The following TMEM267 variants were observed in gnomAD, a reference collection of about 807,000 sequenced individuals.
TMEM267 encodes the protein transmembrane protein 267.
TMEM267 carries 20 observed loss-of-function variants against 19.3 expected under a neutral mutation model. The ratio of observed to expected loss-of-function variants is 1.04; its 90% CI spans 0.73 to 1.51. TMEM267 has a LOEUF of 1.51. Among genes scored for constraint, TMEM267 ranks in the 40% most tolerant of loss-of-function variants. The pLI is 0.00. For missense variants in TMEM267, 242 were observed against 261.9 expected (o/e 0.92, Z 0.52); for synonymous variants, 88 against 90.3 (o/e 0.97, Z 0.15).
intron 1 of TMEM267, among the ~76,000 whole-genome samples, chr5:43,475,163 A>T (rs1332030523): frequency 6.6e-6 from 1 of 152,242 alleles, no homozygotes; most frequent in Non-Finnish European, 1.5e-5. Flanking sequence ...AAAATGTGGC[A>T]CATATACACC....
chr5:43,476,390 C>T (rs1744420383), intron 1 of TMEM267: 1 of 151,990 alleles, frequency 6.6e-6, no homozygotes, highest in Admixed American at 6.6e-5. Flanking sequence ...TCAGGCTGAA[C>T]AAGAGACTCA....
intron 1 of TMEM267, chr5:43,480,024 A>C: frequency 3.3e-6 from 1 of 307,322 alleles, no homozygotes; most frequent in Non-Finnish European, 6.2e-6. Flanking sequence ...TTAAATATTT[A>C]ATGCATATAA....
intron 1 of TMEM267, among the ~76,000 whole-genome samples, chr5:43,475,839 G>A (rs1454182646): frequency 6.6e-6 from 1 of 152,040 alleles, no homozygotes; most frequent in Admixed American, 6.5e-5. Context: ...AAAATGCCAA[G>A]AATTAAAATA....
intron 1 of TMEM267, among the ~76,000 whole-genome samples, chr5:43,457,493 G>C (rs1743021236): frequency 6.6e-6 from 1 of 152,174 alleles, no homozygotes; most frequent in Non-Finnish European, 1.5e-5. Context: ...AAGGTAAAGA[G>C]GAAGGAGTCA....
intron 1 of TMEM267, among the ~76,000 whole-genome samples, chr5:43,458,063 A>G (rs1743053831): frequency 6.6e-6 from 1 of 151,784 alleles, no homozygotes; most frequent in Non-Finnish European, 1.5e-5. Context: ...ATGCCTGGCT[A>G]TATGTTTCCA....
chr5:43,467,672 C>A (rs938033807), intron 1 of TMEM267, among the ~76,000 whole-genome samples: 6 of 152,178 alleles, frequency 3.9e-5, no homozygotes, highest in African/African-American at 1.4e-4. Flanking sequence ...TTGGACAGAT[C>A]TTCCAGACAG....
chr5:43,480,485 TTC>T lies in TMEM267; in HGVS notation c.-75+3335_-75+3336del, dbSNP rs938229980. 2.6e-5 allele frequency among the ~76,000 whole-genome samples: 4 copies of T among 151,860 alleles called. No individual in the cohort carries two copies. The East Asian group carries it at 5.8e-4, about 22-fold the overall frequency. On this transcript the variant is annotated intron_variant, in intron 1 of 2. Coordinates refer to ENST00000397080, the MANE Select transcript of TMEM267 (RefSeq NM_022483.5). ...AGTGCCACCAAGCTTGGGCAATTTTTTCTTTTTTCTTTTTTTTTTAAGAGACA... is the reference window on the plus strand; with the variant it reads ...AGTGCCACCAAGCTTGGGCAATTTTTTTTTTTCTTTTTTTTTTAAGAGACA...
intron 1 of TMEM267, among the ~76,000 whole-genome samples, chr5:43,472,558 T>C (rs1744145896): frequency 6.6e-6 from 1 of 152,116 alleles, no homozygotes; most frequent in Non-Finnish European, 1.5e-5. Context: ...TATCAACATA[T>C]GAATGGATAA....
chr5:43,464,338 C>T (rs1343904528), intron 1 of TMEM267, among the ~76,000 whole-genome samples: 2 of 152,114 alleles, frequency 1.3e-5, no homozygotes, highest in Non-Finnish European at 2.9e-5. Flanking sequence ...ATTCCATGCT[C>T]ATGGGTAGGA....
chr5:43,476,289 C>T (rs921261682), intron 1 of TMEM267: 2 of 152,190 alleles, frequency 1.3e-5, no homozygotes, highest in Non-Finnish European at 1.5e-5. Context: ...ATGCAGGTTC[C>T]GTTTTGTTCC....
At chr5:43,471,446 A>T (rs1744062808) in intron 1 of TMEM267, among the ~76,000 whole-genome samples, 1 of 152,114 alleles carries the variant, frequency 6.6e-6, no homozygotes, top group African/African-American at 2.4e-5. Context: ...AAAAAATCCT[A>T]AAATTTATAT....
chr5:43,476,755 G>A (rs191459796), intron 1 of TMEM267, among the ~76,000 whole-genome samples: 191 of 151,856 alleles, frequency 1.3e-3, no homozygotes, highest in African/African-American at 4.3e-3. Context: ...GACCCAGTAC[G>A]TATATGGTGG....
chr5:43,482,522 G>A (rs1744848971), intron 1 of TMEM267, among the ~76,000 whole-genome samples: 2 of 152,138 alleles, frequency 1.3e-5, no homozygotes, highest in Admixed American at 6.5e-5. Flanking sequence ...CTTAAGAGTA[G>A]TGATCTCTTT....
chr5:43,468,870 A>G (rs530825667), intron 1 of TMEM267, among the ~76,000 whole-genome samples: 1 of 152,230 alleles, frequency 6.6e-6, no homozygotes, highest in Non-Finnish European at 1.5e-5. Context: ...AATATCAAGC[A>G]TCTTCCCTGA....
chr5:43,452,951 T>C (rs984771631), intron 2 of TMEM267, among the ~76,000 whole-genome samples: 2 of 152,238 alleles, frequency 1.3e-5, no homozygotes, highest in African/African-American at 2.4e-5. Flanking sequence ...GAAATGTTTA[T>C]AGATCATAAG....
At chr5:43,473,823 A>G (rs1744231779) in intron 1 of TMEM267, among the ~76,000 whole-genome samples, 1 of 152,234 alleles carries the variant, frequency 6.6e-6, no homozygotes, top group South Asian at 2.1e-4. Context: ...CCTAAGCAAA[A>G]GGAACAAAGG....
chr5:43,460,436 A>T (rs952559652), intron 1 of TMEM267, among the ~76,000 whole-genome samples: 2 of 151,988 alleles, frequency 1.3e-5, no homozygotes, highest in Non-Finnish European at 2.9e-5. Context: ...CCCCAAACAC[A>T]AGTTAACAAC....
rs149249756 is a variant in TMEM267, at chr5:43,471,605, A to G, written c.-75+12217T>C. 4.7e-3 allele frequency among the ~76,000 whole-genome samples: 717 copies of G among 152,304 alleles called. 5 individuals carry two copies. Among genetic ancestry groups the G allele is most frequent in the African/African-American group, 0.016 (645 of 41,564 alleles). ...GACATAAAAACAGACACATCAGCCA[A>G]TGAAACAGAAAAGAGTACCAAGAAA... On this transcript the variant is annotated intron_variant, in intron 1 of 2. Transcript: ENST00000397080.
intron 1 of TMEM267, among the ~76,000 whole-genome samples, chr5:43,476,894 AT>A (rs1404036075): frequency 9.9e-5 from 15 of 151,782 alleles, no homozygotes; most frequent in Admixed American, 2.6e-4. Context: ...AAAAAAAAAA[AT>A]ATTAAAATTT....
Sources: allele counts gnomAD v4.1 joint callset (sites outside exome capture counted in the v4.1 genomes callset), GRCh38; gene constraint gnomAD v4.1.1; transcripts MANE v1.5; gene names NCBI Gene and HGNC (gene_info 2026-07-23, HGNC 2026-07-21).